Variants in OSBPL9 observed in about 807,000 individuals in gnomAD.
OSBPL9 encodes the protein oxysterol-binding protein-related protein 9.
A neutral mutation model predicts 106.6 loss-of-function variants in OSBPL9; 40 were observed. The ratio of observed to expected loss-of-function variants is 0.38; its 90% CI spans 0.29 to 0.49. OSBPL9 has a LOEUF of 0.49. OSBPL9 is among the 20% of genes least tolerant of loss of function. The pLI is 0.97. For synonymous variants in OSBPL9, 269 were observed against 295.4 expected (o/e 0.91, Z 0.92); for missense variants, 609 against 887.2 (o/e 0.69, Z 3.98).
chr1:51,755,212 C>T (rs1046289634), intron 8 of OSBPL9, among the ~76,000 whole-genome samples: 2 of 152,094 alleles, frequency 1.3e-5, no homozygotes, highest in African/African-American at 4.8e-5. Context: ...GCAAAGTCCT[C>T]ACCAAGATTG....
rs1367534415 is a variant in OSBPL9, at chr1:51,756,375, CTT to C, written c.582+21_582+22del. The C allele has an allele frequency of 1.2e-6, 2 of 1,609,988 alleles. No homozygotes were observed. Among genetic ancestry groups the C allele is most frequent in the Non-Finnish European group, 8.5e-7 (1 of 1,177,020 alleles). On this transcript the variant is annotated intron_variant, in intron 9 of 23. Transcript: ENST00000428468. ...GGAATGATAGTAAGTTTAATGTAAT[CTT>C]TTTGTTTCCCTTTACTTCTGCAGAG...
At chr1:51,691,039 T>C (rs1186395279) in intron 3 of OSBPL9, among the ~76,000 whole-genome samples, 1 of 152,150 alleles carries the variant, frequency 6.6e-6, no homozygotes, top group Non-Finnish European at 1.5e-5. Flanking sequence ...AGTAAAAATA[T>C]AGCATAAAAG....
At chr1:51,693,327 G>A (rs1446967361) in intron 3 of OSBPL9, among the ~76,000 whole-genome samples, 1 of 150,934 alleles carries the variant, frequency 6.6e-6, no homozygotes, top group Non-Finnish European at 1.5e-5. Flanking sequence ...AGCCATGTTA[G>A]TATCACTGCA....
intron 2 of OSBPL9, among the ~76,000 whole-genome samples, chr1:51,653,201 T>TG (rs1646627090): frequency 6.6e-6 from 1 of 151,926 alleles, no homozygotes; most frequent in African/African-American, 2.4e-5. Context: ...TTTTTGTTTT[T>TG]TTTTTTCTAA....
intron 4 of OSBPL9, among the ~76,000 whole-genome samples, chr1:51,731,775 CAA>C (rs905927971): frequency 0.014 from 965 of 67,114 alleles, no homozygotes; most frequent in Non-Finnish European, 0.024. Flanking sequence ...GAGTCTGTCT[CAA>C]AAAAAAAAAA....
chr1:51,535,847 A>G, the OSBPL9 span, among the ~76,000 whole-genome samples: 11 of 152,236 alleles, frequency 7.2e-5, no homozygotes, highest in African/African-American at 2.6e-4. Flanking sequence ...GATTACAGGC[A>G]TGAACCACCG....
chr1:51,761,696 G>A (rs79510794), intron 10 of OSBPL9, among the ~76,000 whole-genome samples, 171 bp from the exon 11 acceptor site: 2 of 152,100 alleles, frequency 1.3e-5, no homozygotes, highest in African/African-American at 4.8e-5. Flanking sequence ...TATCATCATT[G>A]AGTTTAAGAG....
rs116124063 is a variant in OSBPL9, at chr1:51,681,816, A to C, written c.241+12304A>C. Among the ~76,000 whole-genome samples, 871 of 152,316 alleles carry C rather than the reference A, an allele frequency of 5.7e-3. 7 individuals carry two copies. Among genetic ancestry groups the C allele is most frequent in the African/African-American group, 0.019 (801 of 41,566 alleles). On this transcript the variant is annotated intron_variant, in intron 3 of 23. Transcript: ENST00000428468. ...TAAACCTGTGCCTATTCTCCTATAT[A>C]CTTTAAACCATCAATAGATTTCTAG...
intron 1 of OSBPL9, chr1:51,598,056 T>G (rs976733403): frequency 7.9e-5 from 12 of 152,268 alleles, no homozygotes; most frequent in Non-Finnish European, 1.2e-4. Context: ...TATTGTGAAA[T>G]GACTTTACTT....
At chr1:51,558,141 G>A in the OSBPL9 span, among the ~76,000 whole-genome samples, 1 of 151,914 alleles carries the variant, frequency 6.6e-6, no homozygotes, top group Non-Finnish European at 1.5e-5. Context: ...TTAGCCAGGC[G>A]TAGTGGCGGG....
At chr1:51,631,159 C>T (rs1338123196) in intron 1 of OSBPL9, among the ~76,000 whole-genome samples, 1 of 152,126 alleles carries the variant, frequency 6.6e-6, no homozygotes, top group Non-Finnish European at 1.5e-5. Flanking sequence ...TGCTGAGTTG[C>T]TTCTAGGTGA....
At chr1:51,522,570 G>C in the OSBPL9 span, among the ~76,000 whole-genome samples, 1 of 152,136 alleles carries the variant, frequency 6.6e-6, no homozygotes. Context: ...CCCAGATCTC[G>C]TCAGAGCACT....
At chr1:51,649,703 T>C (rs954265109) in intron 1 of OSBPL9, among the ~76,000 whole-genome samples, 1 of 151,832 alleles carries the variant, frequency 6.6e-6, no homozygotes, top group Non-Finnish European at 1.5e-5. Context: ...ACAGCACTTA[T>C]TTTTGCTCTA....
At chr1:51,760,525 T>C (rs1557822216) in intron 9 of OSBPL9, 165 bp from the exon 10 acceptor site, 3 of 957,746 alleles carry the variant, frequency 3.1e-6, no homozygotes, top group Non-Finnish European at 4.4e-6. Flanking sequence ...TAAGCAACTC[T>C]TACACTTCTG....
At chr1:51,672,385 TAC>T (rs1650088379) in intron 3 of OSBPL9, among the ~76,000 whole-genome samples, 1 of 152,180 alleles carries the variant, frequency 6.6e-6, no homozygotes, top group Non-Finnish European at 1.5e-5. Context: ...GTACACAATA[TAC>T]AGTTAGGCAT....
chr1:51,531,268 C>G, the OSBPL9 span, among the ~76,000 whole-genome samples: 1 of 152,118 alleles, frequency 6.6e-6, no homozygotes, highest in African/African-American at 2.4e-5. Context: ...CTGAGCAAGA[C>G]TCTGTCTAAA....
intron 8 of OSBPL9, among the ~76,000 whole-genome samples, chr1:51,754,627 A>C (rs1392388453): frequency 6.6e-6 from 1 of 152,252 alleles, no homozygotes; most frequent in Non-Finnish European, 1.5e-5. Context: ...TGAGAGCTAT[A>C]AATGTATTTT....
intron 8 of OSBPL9, among the ~76,000 whole-genome samples, chr1:51,752,173 C>T (rs147197570): frequency 3.9e-4 from 60 of 152,240 alleles, no homozygotes; most frequent in Non-Finnish European, 7.1e-4. Context: ...CCTACCCTTG[C>T]TTGGTCACAC....
chr1:51,594,132 C>T (rs187963127), intron 1 of OSBPL9, among the ~76,000 whole-genome samples: 47 of 152,188 alleles, frequency 3.1e-4, no homozygotes, highest in African/African-American at 9.9e-4. Context: ...CGCAGTGGCT[C>T]ACGCCTGTAA....
Sources: allele counts gnomAD v4.1 joint callset (sites outside exome capture counted in the v4.1 genomes callset), GRCh38; gene constraint gnomAD v4.1.1; transcripts MANE v1.5; gene names NCBI Gene and HGNC (gene_info 2026-07-23, HGNC 2026-07-21).